LAMP5: variants seen among roughly 807,000 people sequenced by gnomAD.
LAMP5 encodes the protein lysosome associated membrane protein 5, also known as lysosome-associated membrane glycoprotein 5.
Under a neutral mutation model 30.2 loss-of-function variants are expected in LAMP5, and 36 were observed. The ratio of observed to expected loss-of-function variants is 1.19; its 90% CI spans 0.91 to 1.57. The LOEUF (loss-of-function observed/expected upper bound fraction) is 1.57, where lower values mean the gene tolerates loss of function less well. Among genes scored for constraint, LAMP5 ranks in the 40% most tolerant of loss-of-function variants. The pLI, the probability that LAMP5 is intolerant of heterozygous loss-of-function variation, is 0.00. For missense variants in LAMP5, 377 were observed against 354.9 expected (o/e 1.06, Z -0.50); for synonymous variants, 149 against 134.6 (o/e 1.11, Z -0.74).
chr20:9,524,204 T>C (rs1417088068), intron 5 of LAMP5, among the ~76,000 whole-genome samples: 1 of 152,240 alleles, frequency 6.6e-6, no homozygotes, highest in Non-Finnish European at 1.5e-5. Context: ...ATTTGATGGC[T>C]GAATTTCACT....
At position 9,514,631 on chromosome 20, in the gene LAMP5, C is replaced by G. The variant is rs184364713; in HGVS notation, c.-222C>G. On this transcript the variant is annotated 5_prime_UTR_variant, in exon 1 of 6. Coordinates refer to ENST00000246070, the MANE Select transcript of LAMP5 (RefSeq NM_012261.4). ...TCGCAGCCGTGGACCGCCGTGCGGT[C>G]CTTTCCTCCGCAGTGAGCCGATTTG... is the stretch of plus-strand genomic sequence containing the variant. 1.8e-5 allele frequency: 8 copies of G among 450,974 alleles called. No individual in the cohort carries two copies. The highest frequency in any genetic ancestry group is 4.1e-5 in the East Asian group (1 of 24,570). 27.9% of individuals were successfully genotyped at this position (450,974 alleles called of 1,614,324 possible).
intron 5 of LAMP5, among the ~76,000 whole-genome samples, chr20:9,526,165 C>T (rs948063846): frequency 1.3e-5 from 2 of 152,164 alleles, no homozygotes; most frequent in Non-Finnish European, 2.9e-5. Flanking sequence ...GAGGGCTTTG[C>T]TACTTTTTGT....
chr20:9,516,514 G>T (rs2045041474), intron 4 of LAMP5, among the ~76,000 whole-genome samples, 153 bp downstream of exon 4: 1 of 152,122 alleles, frequency 6.6e-6, no homozygotes, highest in Non-Finnish European at 1.5e-5. Flanking sequence ...GAAGAGGCGG[G>T]AGCGCCCATG....
intron 4 of LAMP5, among the ~76,000 whole-genome samples, chr20:9,517,260 A>G (rs1436853248): frequency 6.6e-6 from 1 of 152,194 alleles, no homozygotes; most frequent in Non-Finnish European, 1.5e-5. Flanking sequence ...GGTCAGAAAA[A>G]GAGCAATGGG....
At chr20:9,527,122 C>G (rs1568945798) in intron 5 of LAMP5, among the ~76,000 whole-genome samples, 1 of 151,884 alleles carries the variant, frequency 6.6e-6, no homozygotes, top group Non-Finnish European at 1.5e-5. Context: ...GCATGCAGAT[C>G]AGGAAACCGA....
intron 5 of LAMP5, among the ~76,000 whole-genome samples, chr20:9,520,951 C>T (rs374385326): frequency 0.019 from 2,264 of 118,140 alleles, 64 homozygotes; most frequent in African/African-American, 0.1. Flanking sequence ...ATTGTTAGCA[C>T]GCAGAGTTGG....
At chr20:9,520,119 G>A (rs1236836443) in intron 5 of LAMP5, among the ~76,000 whole-genome samples, 1 of 152,226 alleles carries the variant, frequency 6.6e-6, no homozygotes, top group African/African-American at 2.4e-5. Context: ...TAGAGAGTTT[G>A]TAACTACATA....
chr20:9,528,956 G>C (rs554319237), intron 5 of LAMP5, among the ~76,000 whole-genome samples: 45 of 152,262 alleles, frequency 3.0e-4, no homozygotes, highest in South Asian at 1.7e-3. Context: ...ACTGACTACT[G>C]TTCCATTATA....
At position 9,515,537 on chromosome 20, in the gene LAMP5, T is replaced by C; in HGVS notation, c.149T>C (p.Val50Ala). ...STNPEKDIFV[V>A]RENGTTCLMA... is the part of the protein sequence containing the mutation. The stretch of plus-strand genomic sequence containing the variant: ...AACCCTGAAAAAGATATATTTGTGG[T>C]GCGGGAAAATGGGACGACGTGTCTC... Residue 50 changes from valine to alanine, a missense_variant, in exon 2 of 6, where the codon GTG (valine) becomes GCG (alanine). By Grantham distance (64) the Val-to-Ala change is moderately conservative. Transcript: ENST00000246070. 6.2e-7 allele frequency: 1 copy of C among 1,614,154 alleles called. No homozygotes were observed. The highest frequency in any genetic ancestry group is 8.5e-7 in the Non-Finnish European group (1 of 1,180,016).
At position 9,516,288 on chromosome 20, in the gene LAMP5, G is replaced by A. The variant is rs373216694; in HGVS notation, c.402G>A (p.Ala134=). 6 of 1,614,052 alleles carry A rather than the reference G, an allele frequency of 3.7e-6. No individual in the cohort carries two copies. Among genetic ancestry groups the A allele is most frequent in the Non-Finnish European group, 5.1e-6 (6 of 1,180,040 alleles). The change falls in exon 4 of 6, where the codon GCG becomes GCA. Residue 134 remains alanine, a synonymous_variant. Coordinates refer to ENST00000246070, the MANE Select transcript of LAMP5 (RefSeq NM_012261.4). The part of the protein sequence containing the change: ...ESHNMSKGPE[A]TWRLSKVQFV... ...ACAACATGTCCAAGGGACCTGAGGC[G>A]ACTTGGAGGCTGAGCAAAGTGCAGT...
intron 5 of LAMP5, among the ~76,000 whole-genome samples, chr20:9,520,302 C>G (rs1385915159): frequency 1.3e-5 from 2 of 152,214 alleles, no homozygotes; most frequent in Non-Finnish European, 2.9e-5. Context: ...ATCAGTGTGC[C>G]TTTGTGTGGC....
At chr20:9,526,332 G>C (rs1310361860) in intron 5 of LAMP5, among the ~76,000 whole-genome samples, 1 of 152,058 alleles carries the variant, frequency 6.6e-6, no homozygotes, top group Non-Finnish European at 1.5e-5. Flanking sequence ...ATTGTATGAG[G>C]TTGCCACTAG....
chr20:9,523,809 C>T (rs933327520), intron 5 of LAMP5, among the ~76,000 whole-genome samples: 2 of 152,162 alleles, frequency 1.3e-5, no homozygotes, highest in Non-Finnish European at 2.9e-5. Context: ...AACAGATGCT[C>T]TTCTCCCTGG....
rs1403872303 is a variant in LAMP5 at position 9,516,280 on chromosome 20, C to T, written c.394C>T (p.Pro132Ser). Residue 132 changes from proline (P) to serine (S), a missense_variant, in exon 4 of 6, where the codon CCT becomes TCT. Coordinates refer to ENST00000246070, the MANE Select transcript of LAMP5 (RefSeq NM_012261.4). ...VKESHNMSKGPEATWRLSKVQ... is the reference protein window; with the variant it reads ...VKESHNMSKGSEATWRLSKVQ... Reference sequence around the variant, plus strand: ...GGAAAGCCACAACATGTCCAAGGGACCTGAGGCGACTTGGAGGCTGAGCAA... The same window carrying T: ...GGAAAGCCACAACATGTCCAAGGGATCTGAGGCGACTTGGAGGCTGAGCAA... 3.1e-6 allele frequency: 5 copies of T among 1,614,176 alleles called. No homozygotes were observed. Among genetic ancestry groups the T allele is most frequent in the Admixed American group, 1.7e-5 (1 of 60,030 alleles).
At chr20:9,518,843 G>A (rs1196714355) in intron 5 of LAMP5, among the ~76,000 whole-genome samples, 1 of 152,250 alleles carries the variant, frequency 6.6e-6, no homozygotes, top group Non-Finnish European at 1.5e-5. Context: ...ACAGATCATG[G>A]ACTCATCAAG....
intron 5 of LAMP5, among the ~76,000 whole-genome samples, chr20:9,527,989 A>G (rs1372040504): frequency 6.6e-6 from 1 of 152,222 alleles, no homozygotes; most frequent in Non-Finnish European, 1.5e-5. Flanking sequence ...ATTTACATAT[A>G]TTACATGCAC....
At chr20:9,518,014 A>G (rs1478951328) in intron 4 of LAMP5, 26 bp from the exon 5 acceptor site, 1 of 953,344 alleles carries the variant, frequency 1.0e-6, no homozygotes, top group Admixed American at 2.5e-5. Context: ...GAGGGTTCTA[A>G]CTATTGCTCT....
At chr20:9,526,884 A>G (rs1194512710) in intron 5 of LAMP5, among the ~76,000 whole-genome samples, 4 of 125,880 alleles carry the variant, frequency 3.2e-5, no homozygotes, top group East Asian at 3.3e-4. Context: ...ATATATATAT[A>G]TATATATATA....
chr20:9,515,003 T>C, intron 1 of LAMP5, 87 bp downstream of exon 1: 1 of 1,213,148 alleles, frequency 8.2e-7, no homozygotes, highest in South Asian at 1.2e-5. Flanking sequence ...TAGCTTGAGA[T>C]AAAAAATATG....
Sources: allele counts gnomAD v4.1 joint callset (sites outside exome capture counted in the v4.1 genomes callset), GRCh38; gene constraint gnomAD v4.1.1; transcripts MANE v1.5; gene names NCBI Gene and HGNC (gene_info 2026-07-23, HGNC 2026-07-21).